PRSS41: variants seen among roughly 807,000 people sequenced by gnomAD.
The protein encoded by PRSS41 is serine protease 41, also known as protease, serine 41.
A neutral mutation model predicts 28.8 loss-of-function variants in PRSS41; 37 were observed. The observed-to-expected ratio is 1.29, with a 90% CI of 0.99 to 1.69. The LOEUF (loss-of-function observed/expected upper bound fraction) is 1.69. PRSS41 is among the 40% of genes most tolerant of loss of function. The pLI is 0.00. For synonymous variants in PRSS41, 195 were observed against 163.1 expected, an observed-to-expected ratio of 1.20 and a Z score of -1.49; for missense variants, 431 against 400.7, an observed-to-expected ratio of 1.08 and a Z score of -0.65.
chr16:2,799,057 C>A, exon 3 of PRSS41: 1 of 1,533,532 alleles, frequency 6.5e-7, no homozygotes, highest in Non-Finnish European at 8.7e-7. Context: ...CCTGAGGAGA[C>A]GCCACCGATG....
At chr16:2,802,183 A>G (rs1225027989) in intron 4 of PRSS41, among the ~76,000 whole-genome samples, 1 of 137,982 alleles carries the variant, frequency 7.2e-6, no homozygotes. Context: ...CCGGGCAGAG[A>G]CGCTCCTCAC....
At chr16:2,804,492 C>G in exon 5 of PRSS41, 1 of 1,551,562 alleles carries the variant, frequency 6.4e-7, no homozygotes, top group Non-Finnish European at 8.7e-7. Context: ...GTAGTATGAT[C>G]TGGGATTCCA....
chr16:2,799,755 C>G (rs138328716), intron 4 of PRSS41, among the ~76,000 whole-genome samples, 186 bp downstream of exon 4: 105 of 152,358 alleles, frequency 6.9e-4, no homozygotes, highest in African/African-American at 2.5e-3. Context: ...AGGGCAGGGA[C>G]CAAACACCCA....
intron 1 of PRSS41, 40 bp from the exon 2 acceptor site, chr16:2,798,596 G>A (rs1212118086): frequency 3.9e-6 from 6 of 1,524,464 alleles, no homozygotes; most frequent in Non-Finnish European, 5.3e-6. Flanking sequence ...GAGGAGGCCG[G>A]GAGGTGGAGG....
chr16:2,799,131 C>G lies in PRSS41; in HGVS notation c.257+7C>G. The G allele has an allele frequency of 6.6e-7, 1 of 1,514,320 alleles. No homozygotes were observed. The highest frequency in any genetic ancestry group is 8.8e-7 in the Non-Finnish European group (1 of 1,134,506). 93.8% of individuals were successfully genotyped at this position (1,514,320 alleles called of 1,614,324 possible). ...CTGCGCACTGCTTCCAAAAGTGAGT[C>G]TGGGGGGCGGCCGGGGCCTCAGACT... On this transcript the variant is annotated splice_region_variant and intron_variant, in intron 3 of 5. Coordinates refer to ENST00000399677, the Ensembl canonical transcript of PRSS41.
chr16:2,801,259 T>A lies in PRSS41; in HGVS notation c.541+1690T>A, dbSNP rs1264306283. ...TGTTTTGGCGATCTGTTGTTAGGTA[T>A]GAAGATATTTATGATTGGTATATTT... is the stretch of plus-strand genomic sequence containing the variant. On this transcript the variant is annotated intron_variant, in intron 4 of 5. Coordinates refer to ENST00000399677, the Ensembl canonical transcript of PRSS41. 3.9e-5 allele frequency among the ~76,000 whole-genome samples: 6 copies of A among 152,238 alleles called. No homozygotes were observed. The East Asian group carries it at 1.2e-3, about 29-fold the overall frequency.
At chr16:2,799,789 T>G (rs539981869) in intron 4 of PRSS41, among the ~76,000 whole-genome samples, 1 of 152,118 alleles carries the variant, frequency 6.6e-6, no homozygotes, top group Non-Finnish European at 1.5e-5. Flanking sequence ...CCAGGGACTG[T>G]GGGGGCCAGC....
intron 4 of PRSS41, among the ~76,000 whole-genome samples, chr16:2,802,435 C>G (rs1452522760): frequency 6.7e-6 from 1 of 148,950 alleles, no homozygotes; most frequent in Non-Finnish European, 1.5e-5. Flanking sequence ...ACATCCCAGA[C>G]GATGGGCGGC....
At position 2,799,719 on chromosome 16, in the gene PRSS41, C is replaced by G. The variant is rs1026249595; in HGVS notation, c.541+150C>G. On this transcript the variant is annotated intron_variant, in intron 4 of 5. Transcript: ENST00000399677. ...CCTGCTCTCATTCTCTCCTCACTTG[C>G]TTTTCTGCTCTCACTGCCACCTGTC... is the stretch of plus-strand genomic sequence containing the variant. The G allele has an allele frequency of 2.2e-5, 18 of 817,508 alleles. No individual in the cohort carries two copies. In the African/African-American group the frequency reaches 2.6e-4, roughly 12 times the overall value. 50.6% of individuals were successfully genotyped at this position (817,508 alleles called of 1,614,324 possible).
At chr16:2,800,266 G>T (rs2068977376) in intron 4 of PRSS41, among the ~76,000 whole-genome samples, 1 of 152,104 alleles carries the variant, frequency 6.6e-6, no homozygotes, top group African/African-American at 2.4e-5. Flanking sequence ...TAAAAACCAG[G>T]CCAGGCGCAT....
intron 4 of PRSS41, among the ~76,000 whole-genome samples, chr16:2,803,983 C>T (rs1017996193): frequency 8.5e-5 from 13 of 152,166 alleles, no homozygotes; most frequent in African/African-American, 2.2e-4. Context: ...CTTCTTGAAT[C>T]TGTGGGTTCA....
chr16:2,801,618 G>A (rs1015779336), intron 4 of PRSS41, among the ~76,000 whole-genome samples: 2 of 151,296 alleles, frequency 1.3e-5, no homozygotes, highest in African/African-American at 4.9e-5. Context: ...TTAACCCTGA[G>A]TGGACACAGC....
chr16:2,799,698 C>A, intron 4 of PRSS41, 129 bp downstream of exon 4: 1 of 916,558 alleles, frequency 1.1e-6, no homozygotes, highest in Non-Finnish European at 1.6e-6. Flanking sequence ...GCCCCTCCTG[C>A]TCTCATTCTC....
exon 5 of PRSS41, chr16:2,804,528 C>T (rs1265443768): frequency 1.9e-6 from 3 of 1,550,944 alleles, no homozygotes; most frequent in Admixed American, 2.0e-5. Context: ...CTGAGGATGG[C>T]AGTGTAGACA....
At chr16:2,803,983 C>A (rs1017996193) in intron 4 of PRSS41, among the ~76,000 whole-genome samples, 1 of 152,166 alleles carries the variant, frequency 6.6e-6, no homozygotes, top group Admixed American at 6.5e-5. Context: ...CTTCTTGAAT[C>A]TGTGGGTTCA....
chr16:2,804,883 C>G (rs2069010921), intron 5 of PRSS41, 31 bp from the exon 6 acceptor site: 1 of 1,540,924 alleles, frequency 6.5e-7, no homozygotes, highest in Non-Finnish European at 8.8e-7. Context: ...CCACTCTGCC[C>G]CAGCCTGGGC....
chr16:2,798,556 C>T lies in PRSS41; in HGVS notation c.64+8C>T, dbSNP rs1384890833. 1.8e-5 allele frequency: 28 copies of T among 1,533,116 alleles called. No homozygotes were observed. Among genetic ancestry groups the T allele is most frequent in the Non-Finnish European group, 2.3e-5 (26 of 1,141,456 alleles). 95.0% of individuals were successfully genotyped at this position (1,533,116 alleles called of 1,614,324 possible). The stretch of plus-strand genomic sequence containing the variant: ...CTGGACTCGGGAAGCCGGGTGAGCT[C>T]GGGGCGCTACAGGCGGGACCGGGGG... On this transcript the variant is annotated splice_region_variant and intron_variant, in intron 1 of 5. Coordinates refer to ENST00000399677, the Ensembl canonical transcript of PRSS41.
In PRSS41 at chr16:2,799,586, AC is replaced by A; in HGVS notation, c.541+19del. ...CCAGTGGCAGTGAGGCTGGGGATAG[AC>A]CGGGTGGGGTGATGGGGGTGCGGGG... On this transcript the variant is annotated intron_variant, in intron 4 of 5. Coordinates refer to ENST00000399677, the Ensembl canonical transcript of PRSS41. 6.5e-7 allele frequency: 1 copy of A among 1,550,020 alleles called. No individual in the cohort carries two copies. Among genetic ancestry groups the A allele is most frequent in the South Asian group, 1.2e-5 (1 of 84,000 alleles).
At chr16:2,798,926 G>GCCCC in intron 2 of PRSS41, 33 bp from the exon 3 acceptor site, 6 of 553,370 alleles carry the variant, frequency 1.1e-5, no homozygotes, top group Non-Finnish European at 1.9e-5. Flanking sequence ...CACCCCACCC[G>GCCCC]GCAGCTCAGC....
Sources: gnomAD v4.1 joint callset for allele counts (sites outside exome capture counted in the v4.1 genomes callset) on GRCh38, gnomAD v4.1.1 for gene constraint, MANE v1.5 for transcripts, NCBI Gene and HGNC (gene_info 2026-07-23, HGNC 2026-07-21) for gene names.